Variants in HDAC9 observed in about 807,000 individuals in gnomAD.
HDAC9 encodes the protein histone deacetylase 9.
HDAC9 carries 41 observed loss-of-function variants against 139.4 expected under a neutral mutation model. That is an observed-to-expected ratio of 0.29 (90% confidence interval 0.23 to 0.38). HDAC9 has a LOEUF of 0.38. Among genes scored for constraint, HDAC9 ranks in the 10% least tolerant of loss-of-function variants. The pLI is 1.00. For missense variants in HDAC9, 1,147 were observed against 1,297.0 expected (o/e 0.88, Z 1.78); for synonymous variants, 517 against 476.2 (o/e 1.09, Z -1.12).
At chr7:18,328,208 G>A (rs976201379) in intron 1 of HDAC9, among the ~76,000 whole-genome samples, 4 of 151,930 alleles carry the variant, frequency 2.6e-5, no homozygotes, top group Non-Finnish European at 5.9e-5. Flanking sequence ...GTGATCACAG[G>A]AGATGTCAGC....
chr7:18,183,413 A>G (rs979604100), intron 2 of HDAC9, among the ~76,000 whole-genome samples: 6 of 152,162 alleles, frequency 3.9e-5, no homozygotes, highest in Non-Finnish European at 5.9e-5. Flanking sequence ...TACATACATA[A>G]TAATTACGAT....
intron 1 of HDAC9, among the ~76,000 whole-genome samples, chr7:18,129,503 T>G (rs969591917): frequency 1.4e-4 from 22 of 152,176 alleles, no homozygotes; most frequent in African/African-American, 5.3e-4. Flanking sequence ...ACACATAAAT[T>G]TAACTAATTT....
At chr7:18,634,233 G>C (rs1210310362) in intron 7 of HDAC9, among the ~76,000 whole-genome samples, 1 of 151,882 alleles carries the variant, frequency 6.6e-6, no homozygotes, top group Admixed American at 6.6e-5. Flanking sequence ...GAACCTCATG[G>C]GTTAACGACT....
chr7:18,888,316 T>A (rs1800355430), intron 22 of HDAC9, among the ~76,000 whole-genome samples: 1 of 152,214 alleles, frequency 6.6e-6, no homozygotes, highest in East Asian at 1.9e-4. Flanking sequence ...TCCCAGCTAC[T>A]CGGGAGGCTG....
rs568246827 is a variant in HDAC9, at chr7:18,517,150, T to C, written c.22+20826T>C. Among the ~76,000 whole-genome samples the C allele has an allele frequency of 6.2e-4, 94 of 152,318 alleles. 2 individuals are homozygous for C. The highest frequency in any genetic ancestry group is 1.5e-5 in the Non-Finnish European group (1 of 68,022). On this transcript the variant is annotated intron_variant, in intron 2 of 25. Coordinates refer to ENST00000686413, the MANE Select transcript of HDAC9 (RefSeq NM_178425.4). ...ATCTCACACATTGACAGATTTACTT[T>C]CTGGTATTTAAAGACAAACATATTC...
At chr7:18,170,014 A>G (rs1241157941) in intron 2 of HDAC9, among the ~76,000 whole-genome samples, 1 of 152,216 alleles carries the variant, frequency 6.6e-6, no homozygotes, top group Non-Finnish European at 1.5e-5. Context: ...TTCTAGTTCT[A>G]GATCCTTGAG....
intron 1 of HDAC9, among the ~76,000 whole-genome samples, chr7:18,469,919 G>C (rs2128118807): frequency 6.6e-6 from 1 of 152,268 alleles, no homozygotes; most frequent in South Asian, 2.1e-4. Context: ...TAATAAGCCA[G>C]TAGCAGAGAG....
chr7:18,881,448 C>G (rs1423156731), intron 22 of HDAC9, among the ~76,000 whole-genome samples: 2 of 152,120 alleles, frequency 1.3e-5, no homozygotes, highest in Admixed American at 6.6e-5. Context: ...ATACCCTCCA[C>G]TTTTCCATTT....
In HDAC9 at chr7:18,789,311, G is replaced by GTCTC. The variant is rs562617790; in HGVS notation, c.2215-4020_2215-4017dup. Among the ~76,000 whole-genome samples the GTCTC allele has an allele frequency of 2.7e-5, 3 of 112,398 alleles. No individual in the cohort carries two copies. In the East Asian group the frequency reaches 7.2e-4, roughly 27 times the overall value. 73.7% of individuals were successfully genotyped at this position (112,398 alleles called of 152,430 possible). On this transcript the variant is annotated intron_variant, in intron 16 of 25. Coordinates refer to ENST00000686413, the MANE Select transcript of HDAC9 (RefSeq NM_178425.4). ...GCACACACACACACACACACACACA[G>GTCTC]TCTCTCTCTCTCTCTCTTTCTCCCT...
At position 18,857,004 on chromosome 7, in the gene HDAC9, GCTTTAT is replaced by G. The variant is rs764681780; in HGVS notation, c.2685-17469_2685-17464del. The stretch of plus-strand genomic sequence containing the variant: ...TCATATATTCTTCTCCTACCTCTCA[GCTTTAT>G]CTTTTTCTTTCTCCGATTTCTTCAG... On this transcript the variant is annotated intron_variant, in intron 21 of 25. Coordinates refer to ENST00000686413, the MANE Select transcript of HDAC9 (RefSeq NM_178425.4). Among the ~76,000 whole-genome samples, 54 of 152,108 alleles carry G rather than the reference GCTTTAT, an allele frequency of 3.6e-4. 1 individual carries two copies. The highest frequency in any genetic ancestry group is 5.9e-4 in the Non-Finnish European group (40 of 67,978).
At chr7:18,620,787 T>G (rs2128941550) in intron 6 of HDAC9, among the ~76,000 whole-genome samples, 1 of 152,306 alleles carries the variant, frequency 6.6e-6, no homozygotes, top group East Asian at 1.9e-4. Context: ...CCCATCCTAC[T>G]CTGCGATGCT....
intron 1 of HDAC9, among the ~76,000 whole-genome samples, chr7:18,365,268 T>C (rs1784089580): frequency 6.6e-6 from 1 of 152,066 alleles, no homozygotes; most frequent in Non-Finnish European, 1.5e-5. Flanking sequence ...AAATAAATTT[T>C]AGATCTAGTG....
At chr7:18,396,964 G>A (rs751653265) in intron 1 of HDAC9, among the ~76,000 whole-genome samples, 3 of 151,616 alleles carry the variant, frequency 2.0e-5, no homozygotes, top group African/African-American at 4.8e-5. Flanking sequence ...TCCCAATACC[G>A]ATTGCTCCCC....
intron 2 of HDAC9, among the ~76,000 whole-genome samples, chr7:18,573,877 G>A (rs1439473757): frequency 1.3e-5 from 2 of 152,186 alleles, no homozygotes; most frequent in African/African-American, 2.4e-5. Flanking sequence ...CCCTGGGCCT[G>A]GGCTCCCCAA....
chr7:18,821,555 G>T (rs145415329), intron 17 of HDAC9, among the ~76,000 whole-genome samples: 50 of 152,312 alleles, frequency 3.3e-4, no homozygotes, highest in Non-Finnish European at 5.6e-4. Flanking sequence ...GCGGGAAAAG[G>T]AAGATCAACT....
intron 21 of HDAC9, among the ~76,000 whole-genome samples, chr7:18,862,159 G>C (rs1277130164): frequency 6.6e-6 from 1 of 152,172 alleles, no homozygotes; most frequent in African/African-American, 2.4e-5. Flanking sequence ...ACACACTTTA[G>C]AATCGTTCTG....
At chr7:18,096,371 G>T (rs985785460) in intron 1 of HDAC9, among the ~76,000 whole-genome samples, 7 of 152,126 alleles carry the variant, frequency 4.6e-5, no homozygotes, top group Admixed American at 4.6e-4. Context: ...GTTTATGCAT[G>T]ATTCAAAACA....
At chr7:18,133,778 G>A (rs1428382971) in intron 1 of HDAC9, among the ~76,000 whole-genome samples, 4 of 152,006 alleles carry the variant, frequency 2.6e-5, no homozygotes, top group East Asian at 1.9e-4. Flanking sequence ...CTTTCGTGTC[G>A]CTTACTCAGA....
intron 13 of HDAC9, among the ~76,000 whole-genome samples, chr7:18,734,468 G>C (rs1005703672): frequency 6.6e-6 from 1 of 152,152 alleles, no homozygotes; most frequent in Non-Finnish European, 1.5e-5. Flanking sequence ...CTGTGAGTGA[G>C]AACATGTGGT....
Sources: gnomAD v4.1 joint callset for allele counts (sites outside exome capture counted in the v4.1 genomes callset) on GRCh38, gnomAD v4.1.1 for gene constraint, MANE v1.5 for transcripts, NCBI Gene and HGNC (gene_info 2026-07-23, HGNC 2026-07-21) for gene names.